ARHGAP22: variants seen among roughly 807,000 people sequenced by gnomAD.
ARHGAP22 encodes rho GTPase-activating protein 22.
A neutral mutation model predicts 59.1 loss-of-function variants in ARHGAP22; 48 were observed. The observed-to-expected ratio is 0.81, with a 90% CI of 0.64 to 1.03. The LOEUF (loss-of-function observed/expected upper bound fraction) is 1.03. ARHGAP22 is among the 50% of genes least tolerant of loss of function. ARHGAP22 has a pLI of 0.00. For missense variants in ARHGAP22, 1,015 were observed against 958.7 expected (o/e 1.06, Z -0.78); for synonymous variants, 445 against 416.4 (o/e 1.07, Z -0.84).
chr10:48,626,669 C>A (rs540546360), intron 1 of ARHGAP22, among the ~76,000 whole-genome samples: 3 of 152,276 alleles, frequency 2.0e-5, no homozygotes, highest in Admixed American at 6.5e-5. Context: ...GAGACAGAGC[C>A]GCCTGTCCCC....
intron 3 of ARHGAP22, among the ~76,000 whole-genome samples, chr10:48,480,115 A>G (rs1487501148): frequency 1.3e-5 from 2 of 152,202 alleles, no homozygotes; most frequent in Non-Finnish European, 1.5e-5. Context: ...CTTTGTTTCA[A>G]ATCAATTTTG....
the ARHGAP22 span, among the ~76,000 whole-genome samples, chr10:48,433,328 A>G: frequency 6.6e-6 from 1 of 152,212 alleles, no homozygotes; most frequent in Non-Finnish European, 1.5e-5. Flanking sequence ...TAAAAATTGT[A>G]TATGTTGGAG....
rs1403519375 is a variant in ARHGAP22 at position 48,455,042 on chromosome 10, A to T, written c.752T>A (p.Phe251Tyr). ...GGTGAGCAGCTGGGCGCAGCTGAGG[A>T]AGTCCTCGTACCTGGCGAAGGGGAC... The part of the protein sequence containing the change: ...PVVPFARYED[F>Y]LSCAQLLTKD... The change falls in exon 6 of 10, where the codon TTC (phenylalanine) becomes TAC (tyrosine). Residue 251 changes from phenylalanine to tyrosine, a missense_variant. Physicochemically the swap from Phe to Tyr is conservative, Grantham distance 22. Coordinates refer to ENST00000249601, the MANE Select transcript of ARHGAP22 (RefSeq NM_021226.4). 6.2e-7 allele frequency: 1 copy of T among 1,611,610 alleles called. No homozygotes were observed. The highest frequency in any genetic ancestry group is 1.7e-5 in the Admixed American group (1 of 59,934).
At chr10:48,606,106 C>T (rs1317868457), upstream of ARHGAP22, among the ~76,000 whole-genome samples, 1 of 152,150 alleles carries the variant, frequency 6.6e-6, no homozygotes, top group Non-Finnish European at 1.5e-5. Flanking sequence ...AACTGTGTGA[C>T]CCTTTCAGTA....
intron 1 of ARHGAP22, among the ~76,000 whole-genome samples, chr10:48,619,612 G>T (rs1234337544): frequency 6.6e-6 from 1 of 152,174 alleles, no homozygotes; most frequent in African/African-American, 2.4e-5. Flanking sequence ...TTCAATAAAT[G>T]ATGTTGGGGG....
At chr10:48,591,881 C>A (rs10857608) in intron 1 of ARHGAP22, among the ~76,000 whole-genome samples, 50,459 of 151,678 alleles carry the variant, frequency 0.33, 8,578 homozygotes, top group South Asian at 0.39. Flanking sequence ...CTAAAAAAAA[C>A]CCCAAAACAA....
intron 3 of ARHGAP22, among the ~76,000 whole-genome samples, chr10:48,530,562 A>G (rs2054744174): frequency 6.6e-6 from 1 of 152,220 alleles, no homozygotes; most frequent in African/African-American, 2.4e-5. Context: ...GAACTCAAAC[A>G]AATCAACAAG....
At position 48,647,059 on chromosome 10, in the gene ARHGAP22, A is replaced by T. The variant is rs1035632555; in HGVS notation, c.52+5175T>A. ...TCTAATAAGACAGACAACCTGATTT[A>T]AAAATGGGCAAAAAATTTAAATAGG... On this transcript the variant is annotated intron_variant, in intron 1 of 9. Coordinates refer to the ARHGAP22 transcript ENST00000435790. 8.5e-5 allele frequency among the ~76,000 whole-genome samples: 13 copies of T among 152,338 alleles called. 2 individuals carry two copies. The South Asian group carries it at 2.5e-3, about 29-fold the overall frequency.
At chr10:48,616,844 G>A (rs2061099347) in intron 1 of ARHGAP22, among the ~76,000 whole-genome samples, 1 of 152,034 alleles carries the variant, frequency 6.6e-6, no homozygotes, top group Non-Finnish European at 1.5e-5. Context: ...GAGTCCTTCA[G>A]GCTAAATGAA....
intron 1 of ARHGAP22, among the ~76,000 whole-genome samples, chr10:48,604,470 C>T (rs2060563868): frequency 6.6e-6 from 1 of 152,226 alleles, no homozygotes; most frequent in Non-Finnish European, 1.5e-5. Flanking sequence ...GCCACCAGGT[C>T]ACCTGGAGCG....
chr10:48,512,042 C>T (rs1443661773), intron 3 of ARHGAP22, among the ~76,000 whole-genome samples: 1 of 152,236 alleles, frequency 6.6e-6, no homozygotes, highest in Non-Finnish European at 1.5e-5. Context: ...GGTGAGCAGG[C>T]TCTCTGCATG....
rs140608042 is a variant in ARHGAP22 at position 48,455,067 on chromosome 10, C to A, written c.727G>T (p.Val243Phe). ...LYLRELPEPV[V>F]PFARYEDFLS... is the part of the protein sequence containing the mutation. ...AAGTCCTCGTACCTGGCGAAGGGGA[C>A]CACGGGCTCGGGGAGCTCCCGCAGG... The change falls in exon 6 of 10, where the codon GTC becomes TTC. Residue 243 changes from valine (V) to phenylalanine (F), a missense_variant. Coordinates refer to ENST00000249601, the MANE Select transcript of ARHGAP22 (RefSeq NM_021226.4). 6.2e-7 allele frequency: 1 copy of A among 1,612,496 alleles called. No homozygotes were observed. The highest frequency in any genetic ancestry group is 8.5e-7 in the Non-Finnish European group (1 of 1,179,572).
At chr10:48,437,948 GA>G in the ARHGAP22 span, 1 of 152,244 alleles carries the variant, frequency 6.6e-6, no homozygotes, top group African/African-American at 2.4e-5. Context: ...GTCTGATAGT[GA>G]AATCATCAGC....
intron 3 of ARHGAP22, among the ~76,000 whole-genome samples, chr10:48,527,405 A>T (rs1398728709): frequency 1.3e-5 from 2 of 149,832 alleles, no homozygotes; most frequent in African/African-American, 5.0e-5. Context: ...GTGTGGATAG[A>T]TGAATAGATG....
At chr10:48,500,467 T>C (rs1019118980) in intron 3 of ARHGAP22, among the ~76,000 whole-genome samples, 8 of 152,120 alleles carry the variant, frequency 5.3e-5, no homozygotes, top group Non-Finnish European at 1.2e-4. Flanking sequence ...TAAGGAGCTC[T>C]TTCAAAGGGG....
chr10:48,525,530 G>A lies in ARHGAP22; in HGVS notation c.322+29933C>T, dbSNP rs144401568. ...AGAGGTTGCAGTGAGCCGAGATTCG[G>A]CCACTGCACTCCAGCCTGGGTGACA... On this transcript the variant is annotated intron_variant, in intron 3 of 9. Coordinates refer to ENST00000249601, the MANE Select transcript of ARHGAP22 (RefSeq NM_021226.4). Among the ~76,000 whole-genome samples, 294 of 152,296 alleles carry A rather than the reference G, an allele frequency of 1.9e-3. 1 individual carries two copies. The highest frequency in any genetic ancestry group is 7.0e-3 in the African/African-American group (289 of 41,570).
Position 48,568,773 on chromosome 10 carries a change from C to T in ARHGAP22, c.235-13223G>A, listed in dbSNP as rs1230928504. ...GTAGGTGCTGCCTGGCCCCCACCCCCACCAGGAAGAGCCCTTGGGGACACA... is the reference window on the plus strand; with the variant it reads ...GTAGGTGCTGCCTGGCCCCCACCCCTACCAGGAAGAGCCCTTGGGGACACA... On this transcript the variant is annotated intron_variant, in intron 2 of 9. Coordinates refer to ENST00000249601, the MANE Select transcript of ARHGAP22 (RefSeq NM_021226.4). 3.9e-5 allele frequency among the ~76,000 whole-genome samples: 6 copies of T among 152,212 alleles called. No individual in the cohort carries two copies. The East Asian group carries it at 9.6e-4, about 24-fold the overall frequency.
rs186965032 is a variant in ARHGAP22 at position 48,599,152 on chromosome 10, G to A, written c.34+5611C>T. On this transcript the variant is annotated intron_variant, in intron 1 of 9. Transcript: ENST00000249601. ...GTTCCAACAGGGCTCCAAGCCACAC[G>A]GGATGTGACATTCTAAAGTGAGGGA... Among the ~76,000 whole-genome samples, 245 of 152,290 alleles carry A rather than the reference G, an allele frequency of 1.6e-3. 1 individual carries two copies. Among genetic ancestry groups the A allele is most frequent in the African/African-American group, 5.7e-3 (236 of 41,558 alleles).
At chr10:48,430,616 T>A in the ARHGAP22 span, 1 of 152,594 alleles carries the variant, frequency 6.6e-6, no homozygotes, top group African/African-American at 2.4e-5. Flanking sequence ...TGGAGAAATG[T>A]TCTTCGAAGT....
Sources: gnomAD v4.1 joint callset for allele counts (sites outside exome capture counted in the v4.1 genomes callset) on GRCh38, gnomAD v4.1.1 for gene constraint, MANE v1.5 for transcripts, NCBI Gene and HGNC (gene_info 2026-07-23, HGNC 2026-07-21) for gene names.